RABGEF1: variants seen among roughly 807,000 people sequenced by gnomAD.
The protein encoded by RABGEF1 is rab5 GDP/GTP exchange factor.
In RABGEF1, 26 loss-of-function variants were observed where a neutral mutation model predicts 57.3. That is an observed-to-expected ratio of 0.45 (90% confidence interval 0.33 to 0.63). The LOEUF (loss-of-function observed/expected upper bound fraction) is 0.63. Ranked by LOEUF, RABGEF1 falls within the 20% of genes least tolerant of loss-of-function variation. RABGEF1 has a pLI of 0.02. For missense variants in RABGEF1, 464 were observed against 607.6 expected (o/e 0.76, Z 2.48); for synonymous variants, 185 against 210.7 (o/e 0.88, Z 1.06).
At chr7:66,737,089 AGAGC>A (rs1466692625), upstream of RABGEF1, among the ~76,000 whole-genome samples, 9 of 131,764 alleles carry the variant, frequency 6.8e-5, no homozygotes, top group African/African-American at 2.2e-4. Flanking sequence ...AGAGAGAGCG[AGAGC>A]GAGAGAGAGA....
intron 2 of RABGEF1, among the ~76,000 whole-genome samples, chr7:66,718,701 G>C (rs1192042789): frequency 1.3e-5 from 2 of 152,160 alleles, no homozygotes; most frequent in Non-Finnish European, 2.9e-5. Flanking sequence ...TATGTACCAC[G>C]CAGTGGCCAG....
the RABGEF1 span, among the ~76,000 whole-genome samples, chr7:66,674,191 G>T: frequency 6.9e-6 from 1 of 145,576 alleles, no homozygotes; most frequent in Admixed American, 6.9e-5. Flanking sequence ...TCCACTAAAG[G>T]CTTTTTTTTT....
Position 66,810,481 on chromosome 7 carries a change from C to CT in RABGEF1, c.*1197_*1198insT, listed in dbSNP as rs1359430252. 6.6e-6 allele frequency: 1 copy of CT among 152,206 alleles called. No individual in the cohort carries two copies. Among genetic ancestry groups the CT allele is most frequent in the African/African-American group, 2.4e-5 (1 of 41,444 alleles). 9.4% of individuals were successfully genotyped at this position (152,206 alleles called of 1,614,324 possible). A position where few individuals can be genotyped will look rare whatever the true frequency, so the allele number is the denominator to read the frequency against. ...AAGAACCACTGATGTCTTTTACAAA[C>CT]CAGGAGTTATCCTCCTGGTGGTTAA... On this transcript the variant is annotated 3_prime_UTR_variant, in exon 9 of 9. Transcript: ENST00000284957.
Position 66,805,560 on chromosome 7 carries a change from A to G in RABGEF1, c.1077+164A>G, listed in dbSNP as rs182708813. Among the ~76,000 whole-genome samples, 463 of 152,330 alleles carry G rather than the reference A, an allele frequency of 3.0e-3. 4 individuals carry two copies. Among genetic ancestry groups the G allele is most frequent in the Middle Eastern group, 6.8e-3 (2 of 294 alleles). ...TCAGGGAGCACAAGGACCAGGCCATACAGACACTCCGCCTCCCAGCACTTG... is the reference window on the plus strand; with the variant it reads ...TCAGGGAGCACAAGGACCAGGCCATGCAGACACTCCGCCTCCCAGCACTTG... On this transcript the variant is annotated intron_variant, in intron 8 of 8. Coordinates refer to ENST00000284957, the MANE Select transcript of RABGEF1 (RefSeq NM_014504.3).
intron 7 of RABGEF1, among the ~76,000 whole-genome samples, chr7:66,804,220 G>A (rs1787937220): frequency 6.6e-6 from 1 of 151,956 alleles, no homozygotes; most frequent in Non-Finnish European, 1.5e-5. Flanking sequence ...AGTAGTTGGG[G>A]CTATAGGCAC....
At chr7:66,714,529 A>T (rs1194609349) in intron 2 of RABGEF1, among the ~76,000 whole-genome samples, 1 of 152,062 alleles carries the variant, frequency 6.6e-6, no homozygotes. Flanking sequence ...TCAGCTTTTG[A>T]TTTAATTGAT....
intron 3 of RABGEF1, among the ~76,000 whole-genome samples, chr7:66,779,836 A>G (rs1464406273): frequency 6.6e-6 from 1 of 152,052 alleles, no homozygotes; most frequent in East Asian, 1.9e-4. Context: ...CGGAATCCCT[A>G]TTGGCTGTTC....
At chr7:66,755,786 T>C (rs1397361334) in intron 1 of RABGEF1, 1 of 325,734 alleles carries the variant, frequency 3.1e-6, no homozygotes, top group Non-Finnish European at 5.6e-6. Flanking sequence ...TAGAAGACTG[T>C]TGTCTAGAAC....
At chr7:66,744,394 C>T (rs551519884) in intron 1 of RABGEF1, among the ~76,000 whole-genome samples, 11 of 150,878 alleles carry the variant, frequency 7.3e-5, no homozygotes, top group South Asian at 2.1e-4. Context: ...GATAGCCGGG[C>T]GCAGTGGCTC....
At chr7:66,657,057 A>G in the RABGEF1 span, among the ~76,000 whole-genome samples, 3 of 152,236 alleles carry the variant, frequency 2.0e-5, no homozygotes, top group Non-Finnish European at 4.4e-5. Context: ...CAGGATGATC[A>G]TTGGAGACCT....
At chr7:66,713,258 C>T (rs1240061285) in intron 2 of RABGEF1, among the ~76,000 whole-genome samples, 3 of 151,824 alleles carry the variant, frequency 2.0e-5, no homozygotes, top group Non-Finnish European at 4.4e-5. Context: ...TCTTCTGCCT[C>T]AGCCTCCCGA....
the RABGEF1 span, among the ~76,000 whole-genome samples, chr7:66,658,117 A>G: frequency 2.0e-5 from 3 of 152,220 alleles, no homozygotes; most frequent in African/African-American, 7.2e-5. Context: ...CTTTACAACA[A>G]TTAAGGTTAT....
intron 1 of RABGEF1, among the ~76,000 whole-genome samples, chr7:66,686,081 C>A (rs1399090687): frequency 5.3e-5 from 8 of 152,064 alleles, no homozygotes; most frequent in Non-Finnish European, 8.8e-5. Flanking sequence ...GAGTTAGAGA[C>A]CAGCCTGGAT....
chr7:66,751,251 G>A (rs901365242), intron 1 of RABGEF1, among the ~76,000 whole-genome samples: 1 of 152,086 alleles, frequency 6.6e-6, no homozygotes, highest in Non-Finnish European at 1.5e-5. Context: ...GGCTGGTCTC[G>A]ATCTCCTGAC....
the RABGEF1 span, among the ~76,000 whole-genome samples, chr7:66,654,908 C>T: frequency 3.3e-5 from 5 of 152,254 alleles, no homozygotes; most frequent in African/African-American, 1.2e-4. Context: ...CCGGACAAGC[C>T]CTTGAAGGCC....
intron 3 of RABGEF1, among the ~76,000 whole-genome samples, chr7:66,782,520 G>A (rs12531374): frequency 0.038 from 5,737 of 150,108 alleles, 153 homozygotes; most frequent in Middle Eastern, 0.076. Flanking sequence ...AGGCTGTGGA[G>A]TGTAGTGGGA....
intron 1 of RABGEF1, among the ~76,000 whole-genome samples, chr7:66,689,931 A>G (rs1322589787): frequency 6.6e-6 from 1 of 152,118 alleles, no homozygotes; most frequent in Non-Finnish European, 1.5e-5. Flanking sequence ...CCAGACATTT[A>G]AAGGAAAATT....
Position 66,775,159 on chromosome 7 carries a change from A to G in RABGEF1, c.180-68A>G, listed in dbSNP as rs1808223599. 2.0e-6 allele frequency: 3 copies of G among 1,493,586 alleles called. No individual in the cohort carries two copies. In the Admixed American group the frequency reaches 6.7e-5, roughly 33 times the overall value. The allele number at this position is 1,493,586 out of a possible 1,614,324, so 92.5% of individuals were successfully genotyped here. A position where few individuals can be genotyped will look rare whatever the true frequency, so the allele number is the denominator to read the frequency against. On this transcript the variant is annotated intron_variant, in intron 2 of 8. Transcript: ENST00000284957. ...TTAGATCCTCCTGAATTAATGGAGT[A>G]ATAACCTTCACATACAGAGAAACCT...
chr7:66,705,995 C>G (rs891195476), intron 1 of RABGEF1, among the ~76,000 whole-genome samples: 1 of 147,226 alleles, frequency 6.8e-6, no homozygotes. Context: ...CTCCGCTTCC[C>G]GGGTTCACGC....
Sources: gnomAD v4.1 joint callset for allele counts (sites outside exome capture counted in the v4.1 genomes callset) on GRCh38, gnomAD v4.1.1 for gene constraint, MANE v1.5 for transcripts, NCBI Gene and HGNC (gene_info 2026-07-23, HGNC 2026-07-21) for gene names.